Variants in EPM2A observed in about 807,000 individuals in gnomAD.
EPM2A encodes EPM2A glucan phosphatase, laforin.
In EPM2A, 21 loss-of-function variants were observed where a neutral mutation model predicts 26.5. That is an observed-to-expected ratio of 0.79 (90% CI 0.56 to 1.14). The LOEUF (loss-of-function observed/expected upper bound fraction) is 1.14, where lower values mean the gene tolerates loss of function less well. Ranked by LOEUF, EPM2A falls within the 50% of genes most tolerant of loss-of-function variation. The pLI is 0.00. For synonymous variants in EPM2A, 217 were observed against 177.6 expected, an observed-to-expected ratio of 1.22 and a Z score of -1.76; for missense variants, 458 against 440.8, an observed-to-expected ratio of 1.04 and a Z score of -0.35.
chr6:145,425,644 AAAAAG>A (rs1178880889), intron 4 of EPM2A, among the ~76,000 whole-genome samples: 1 of 152,080 alleles, frequency 6.6e-6, no homozygotes, highest in African/African-American at 2.4e-5. Context: ...AAAAAAAAAA[AAAAAG>A]AAAAACTATA....
At chr6:145,500,010 C>CT (rs5880644), downstream of EPM2A, among the ~76,000 whole-genome samples, 68,488 of 149,166 alleles carry the variant, frequency 0.46, 15,464 homozygotes, top group South Asian at 0.59. Context: ...AAAAGATGTG[C>CT]TTTTTTTTTT....
intron 1 of EPM2A, among the ~76,000 whole-genome samples, chr6:145,696,427 A>G (rs562472495): frequency 1.3e-5 from 2 of 152,286 alleles, no homozygotes; most frequent in African/African-American, 4.8e-5. Flanking sequence ...ATAAATTTCA[A>G]AGGTTTCTCT....
intron 2 of EPM2A, 27 bp downstream of exon 2, chr6:145,686,095 T>A (rs1780886247): frequency 6.3e-7 from 1 of 1,593,228 alleles, no homozygotes; most frequent in South Asian, 1.1e-5. Context: ...CCTACTTCTA[T>A]GCCTATAAAT....
At chr6:145,623,651 A>G (rs1775684166), downstream of EPM2A, among the ~76,000 whole-genome samples, 2 of 152,186 alleles carry the variant, frequency 1.3e-5, no homozygotes, top group African/African-American at 4.8e-5. Context: ...CACAGGAGTG[A>G]CAAGGCCTGA....
chr6:145,623,025 G>A (rs1048265881), downstream of EPM2A, among the ~76,000 whole-genome samples: 1 of 152,198 alleles, frequency 6.6e-6, no homozygotes, highest in Admixed American at 6.5e-5. Flanking sequence ...ATTTTGGAAT[G>A]ATAAGGTAGA....
chr6:145,584,182 G>A (rs1209207636), intron 2 of EPM2A, among the ~76,000 whole-genome samples: 1 of 152,212 alleles, frequency 6.6e-6, no homozygotes, highest in Non-Finnish European at 1.5e-5. Flanking sequence ...TCAGGGGGAG[G>A]TTGAAGTGGA....
At chr6:145,608,116 CGA>C (rs754084944) in intron 2 of EPM2A, among the ~76,000 whole-genome samples, 2 of 152,090 alleles carry the variant, frequency 1.3e-5, no homozygotes, top group African/African-American at 4.8e-5. Context: ...AAAGATATTT[CGA>C]GAGAGAGAGA....
rs1421424364 is a variant in EPM2A at position 145,607,004 on chromosome 6, G to A, written c.340+28241C>T. ...ATTTATATAATTTAGGAGCTTTTCA[G>A]CAGAATAGACAAATAAGGCAACTGT... On this transcript the variant is annotated intron_variant, in intron 2 of 3. Coordinates refer to the EPM2A transcript ENST00000450221. Among the ~76,000 whole-genome samples, 4 of 152,106 alleles carry A rather than the reference G, an allele frequency of 2.6e-5. No homozygotes were observed. The East Asian group carries it at 7.7e-4, about 29-fold the overall frequency.
chr6:145,492,376 A>AC (rs1190613067), intron 4 of EPM2A, among the ~76,000 whole-genome samples: 2 of 151,934 alleles, frequency 1.3e-5, no homozygotes, highest in Non-Finnish European at 2.9e-5. Flanking sequence ...CGTACCTGCC[A>AC]CCCCCAAGGC....
intron 4 of EPM2A, among the ~76,000 whole-genome samples, chr6:145,428,204 G>A (rs1466680544): frequency 1.3e-5 from 2 of 148,838 alleles, no homozygotes; most frequent in Non-Finnish European, 3.0e-5. Context: ...ACATAATTTT[G>A]TATTTTCCTT....
At chr6:145,455,040 TG>T (rs1779245478) in intron 4 of EPM2A, among the ~76,000 whole-genome samples, 1 of 152,116 alleles carries the variant, frequency 6.6e-6, no homozygotes. Context: ...TATATGTGTG[TG>T]AATATATACA....
intron 4 of EPM2A, among the ~76,000 whole-genome samples, chr6:145,448,887 T>C (rs947913113): frequency 3.9e-5 from 6 of 152,214 alleles, no homozygotes; most frequent in Non-Finnish European, 7.4e-5. Context: ...GTTTAACTTA[T>C]GAGTTACACC....
At chr6:145,678,391 T>C (rs1241016143) in intron 2 of EPM2A, among the ~76,000 whole-genome samples, 1 of 152,228 alleles carries the variant, frequency 6.6e-6, no homozygotes, top group Non-Finnish European at 1.5e-5. Context: ...AAAGCCAAAA[T>C]TGACAAATGG....
chr6:145,580,578 C>A (rs1377894469), intron 2 of EPM2A, among the ~76,000 whole-genome samples: 1 of 151,946 alleles, frequency 6.6e-6, no homozygotes, highest in East Asian at 1.9e-4. Context: ...AGGTAAATTT[C>A]AAATCAAGAG....
At chr6:145,663,763 A>C (rs1197715302) in intron 2 of EPM2A, among the ~76,000 whole-genome samples, 1 of 121,810 alleles carries the variant, frequency 8.2e-6, no homozygotes, top group African/African-American at 3.1e-5. Flanking sequence ...GCAGCCAGAG[A>C]GAAAGGTCGG....
At chr6:145,550,095 C>T (rs2114803063) in intron 2 of EPM2A, among the ~76,000 whole-genome samples, 1 of 152,162 alleles carries the variant, frequency 6.6e-6, no homozygotes, top group Admixed American at 6.5e-5. Context: ...CAGAAATATC[C>T]CACATTGGTC....
intron 1 of EPM2A, among the ~76,000 whole-genome samples, chr6:145,701,289 T>C (rs1781897866): frequency 6.6e-6 from 1 of 152,178 alleles, no homozygotes; most frequent in Non-Finnish European, 1.5e-5. Context: ...GACTCTGTCT[T>C]ACATAACTAG....
intron 4 of EPM2A, among the ~76,000 whole-genome samples, chr6:145,467,316 C>G (rs552642151): frequency 6.6e-6 from 1 of 152,082 alleles, no homozygotes; most frequent in South Asian, 2.1e-4. Context: ...AAAGTTGTCC[C>G]ACTACTATTT....
intron 2 of EPM2A, among the ~76,000 whole-genome samples, chr6:145,677,806 A>AT (rs1479509845): frequency 6.6e-6 from 1 of 152,218 alleles, no homozygotes; most frequent in Non-Finnish European, 1.5e-5. Flanking sequence ...AGACCATTCC[A>AT]TGCTCATGGA....
Sources: gnomAD v4.1 joint callset for allele counts (sites outside exome capture counted in the v4.1 genomes callset) on GRCh38, gnomAD v4.1.1 for gene constraint, MANE v1.5 for transcripts, NCBI Gene and HGNC (gene_info 2026-07-23, HGNC 2026-07-21) for gene names.